The following SYNDIG1 variants were observed in gnomAD, a reference collection of about 807,000 sequenced individuals.
The protein encoded by SYNDIG1 is synapse differentiation inducing 1, also known as synapse differentiation-inducing gene protein 1.
In SYNDIG1, 9 loss-of-function variants were observed where a neutral mutation model predicts 19.4. The observed-to-expected ratio is 0.46, with a 90% CI of 0.28 to 0.81. SYNDIG1 has a LOEUF of 0.81. SYNDIG1 is among the 30% of genes least tolerant of loss of function. The pLI, the probability that SYNDIG1 is intolerant of heterozygous loss-of-function variation, is 0.12. For synonymous variants in SYNDIG1, 141 were observed against 145.9 expected (o/e 0.97, Z 0.24); for missense variants, 311 against 343.3 (o/e 0.91, Z 0.74).
chr20:24,528,924 G>A (rs1318467729), intron 1 of SYNDIG1, among the ~76,000 whole-genome samples: 1 of 152,176 alleles, frequency 6.6e-6, no homozygotes, highest in Non-Finnish European at 1.5e-5. Context: ...CAAACTAAGT[G>A]TTCAACTGTG....
intron 1 of SYNDIG1, among the ~76,000 whole-genome samples, chr20:24,525,104 A>C (rs1194190993): frequency 6.6e-6 from 1 of 151,992 alleles, no homozygotes; most frequent in Non-Finnish European, 1.5e-5. Flanking sequence ...TCCTGACCTA[A>C]GTATTTTTAT....
intron 2 of SYNDIG1, among the ~76,000 whole-genome samples, chr20:24,567,638 G>A (rs6049791): frequency 0.22 from 32,868 of 152,108 alleles, 3,803 homozygotes; most frequent in Admixed American, 0.33. Flanking sequence ...TCCAAGCACC[G>A]CTCCTCTAAC....
chr20:24,472,465 T>C (rs1005446028), intron 1 of SYNDIG1, among the ~76,000 whole-genome samples: 5 of 152,256 alleles, frequency 3.3e-5, no homozygotes, highest in Non-Finnish European at 5.9e-5. Flanking sequence ...TCATTAATTT[T>C]AAATCGTATT....
intron 2 of SYNDIG1, among the ~76,000 whole-genome samples, chr20:24,563,910 C>T (rs918341024): frequency 3.9e-5 from 6 of 152,092 alleles, no homozygotes; most frequent in East Asian, 1.9e-4. Flanking sequence ...GGCAAAATCC[C>T]GAATTTTAGT....
At chr20:24,596,610 C>T (rs2058598996) in intron 3 of SYNDIG1, among the ~76,000 whole-genome samples, 1 of 152,174 alleles carries the variant, frequency 6.6e-6, no homozygotes, top group South Asian at 2.1e-4. Context: ...AACTCCTGAC[C>T]TCAAGTGATC....
At chr20:24,537,009 A>G (rs2057375875) in intron 1 of SYNDIG1, among the ~76,000 whole-genome samples, 1 of 151,968 alleles carries the variant, frequency 6.6e-6, no homozygotes. Flanking sequence ...CCTTGTACCC[A>G]TTCCTCATGC....
intron 2 of SYNDIG1, among the ~76,000 whole-genome samples, chr20:24,565,401 G>A (rs2058026072): frequency 6.6e-6 from 1 of 152,228 alleles, no homozygotes; most frequent in Non-Finnish European, 1.5e-5. Context: ...TAACAGTGGT[G>A]CTTCAAGGAG....
At chr20:24,516,160 C>T (rs1012137792) in intron 1 of SYNDIG1, among the ~76,000 whole-genome samples, 1 of 152,186 alleles carries the variant, frequency 6.6e-6, no homozygotes, top group African/African-American at 2.4e-5. Flanking sequence ...AACTGGATCC[C>T]TTCCTTACAC....
chr20:24,560,130 G>A (rs61205485), intron 2 of SYNDIG1, among the ~76,000 whole-genome samples: 4,010 of 129,288 alleles, frequency 0.031, 157 homozygotes, highest in African/African-American at 0.094. Context: ...GTGCAGTGGC[G>A]CGATCTCAGC....
intron 1 of SYNDIG1, among the ~76,000 whole-genome samples, chr20:24,539,437 T>A (rs1386052536): frequency 6.6e-6 from 1 of 152,234 alleles, no homozygotes; most frequent in Non-Finnish European, 1.5e-5. Flanking sequence ...GGCTCTCTAT[T>A]TTATTCACTT....
At chr20:24,520,333 G>A (rs1398928486) in intron 1 of SYNDIG1, among the ~76,000 whole-genome samples, 1 of 151,884 alleles carries the variant, frequency 6.6e-6, no homozygotes, top group Non-Finnish European at 1.5e-5. Flanking sequence ...TTTGTAGATT[G>A]TAATCAGAAT....
At chr20:24,641,310 T>A (rs2059374850) in intron 3 of SYNDIG1, among the ~76,000 whole-genome samples, 1 of 152,128 alleles carries the variant, frequency 6.6e-6, no homozygotes, top group African/African-American at 2.4e-5. Flanking sequence ...GATGGATGGA[T>A]GGAGAGTTGG....
At chr20:24,661,614 G>GGTAGAAA in intron 3 of SYNDIG1, among the ~76,000 whole-genome samples, 1 of 147,332 alleles carries the variant, frequency 6.8e-6, no homozygotes, top group Admixed American at 6.7e-5. Context: ...GAAGGGAGGA[G>GGTAGAAA]GGAGGGAGGA....
chr20:24,555,941 A>G (rs2057805790), intron 2 of SYNDIG1, among the ~76,000 whole-genome samples: 3 of 152,108 alleles, frequency 2.0e-5, no homozygotes. Flanking sequence ...TGGGAGTCTA[A>G]GTCTCTTTGT....
chr20:24,634,569 A>G (rs972732159), intron 3 of SYNDIG1, among the ~76,000 whole-genome samples: 2 of 152,230 alleles, frequency 1.3e-5, no homozygotes, highest in African/African-American at 4.8e-5. Context: ...TAGATAAAAT[A>G]AAAGATATTG....
Position 24,507,325 on chromosome 20 carries a change from C to T in SYNDIG1, c.-78-35695C>T, listed in dbSNP as rs542205874. ...AGGGATGAGAGCTGAGACACACAGC[C>T]GGGCACCAGGAATGCCTGAACCTTT... is the stretch of plus-strand genomic sequence containing the variant. On this transcript the variant is annotated intron_variant, in intron 1 of 3. Coordinates refer to ENST00000376862, the MANE Select transcript of SYNDIG1 (RefSeq NM_024893.3). 4.6e-5 allele frequency among the ~76,000 whole-genome samples: 7 copies of T among 152,370 alleles called. No homozygotes were observed. In the South Asian group the frequency reaches 8.3e-4, roughly 18 times the overall value.
At chr20:24,482,213 G>GT in intron 1 of SYNDIG1, among the ~76,000 whole-genome samples, 2 of 152,104 alleles carry the variant, frequency 1.3e-5, no homozygotes, top group Non-Finnish European at 2.9e-5. Flanking sequence ...TGTTGTTGTT[G>GT]TTTTTTCTGA....
intron 3 of SYNDIG1, among the ~76,000 whole-genome samples, chr20:24,642,559 T>C (rs2147342576): frequency 6.6e-6 from 1 of 152,326 alleles, no homozygotes; most frequent in South Asian, 2.1e-4. Context: ...CATTAATTGG[T>C]TCATCCATTT....
chr20:24,512,993 G>A (rs1301882804), intron 1 of SYNDIG1, among the ~76,000 whole-genome samples: 2 of 152,194 alleles, frequency 1.3e-5, no homozygotes, highest in African/African-American at 2.4e-5. Context: ...TGCAGCCTCC[G>A]CTGGTGATAA....
Sources: allele counts gnomAD v4.1 joint callset (sites outside exome capture counted in the v4.1 genomes callset), GRCh38; gene constraint gnomAD v4.1.1; transcripts MANE v1.5; gene names NCBI Gene and HGNC (gene_info 2026-07-23, HGNC 2026-07-21).